RNF150: variants seen among roughly 807,000 people sequenced by gnomAD.
RNF150 encodes ring finger protein 150.
RNF150 carries 24 observed loss-of-function variants against 39.3 expected under a neutral mutation model. The ratio of observed to expected loss-of-function variants is 0.61; its 90% confidence interval spans 0.44 to 0.86. RNF150 has a LOEUF of 0.86. RNF150 is among the 40% of genes least tolerant of loss of function. RNF150 has a pLI of 0.00. For missense variants in RNF150, 502 were observed against 587.8 expected (o/e 0.85, Z 1.51); for synonymous variants, 255 against 227.3 (o/e 1.12, Z -1.10).
intron 1 of RNF150, among the ~76,000 whole-genome samples, chr4:141,181,405 CTACT>C (rs1451740484): frequency 6.6e-6 from 1 of 152,148 alleles, no homozygotes; most frequent in Non-Finnish European, 1.5e-5. Flanking sequence ...TTGACCTGAA[CTACT>C]TAAAGTTTTT....
intron 6 of RNF150, among the ~76,000 whole-genome samples, chr4:140,899,620 T>A (rs1297342704): frequency 6.6e-6 from 1 of 152,044 alleles, no homozygotes; most frequent in East Asian, 1.9e-4. Context: ...CATCCTGATG[T>A]CCTGGTGTGT....
chr4:141,087,314 C>T (rs1357622120), intron 1 of RNF150, among the ~76,000 whole-genome samples: 1 of 152,190 alleles, frequency 6.6e-6, no homozygotes, highest in Non-Finnish European at 1.5e-5. Context: ...AAAGACATGA[C>T]CATGGTTTTT....
At chr4:140,935,068 A>AT (rs1553993301) in intron 4 of RNF150, among the ~76,000 whole-genome samples, 7 of 121,048 alleles carry the variant, frequency 5.8e-5, no homozygotes, top group Admixed American at 2.7e-4. Context: ...ATATATATAT[A>AT]ATATATATAT....
At chr4:141,182,770 G>T (rs1462628565) in intron 1 of RNF150, among the ~76,000 whole-genome samples, 2 of 112,836 alleles carry the variant, frequency 1.8e-5, no homozygotes, top group African/African-American at 7.0e-5. Flanking sequence ...GTAATTTACA[G>T]ATTCAATGCC....
At chr4:141,024,416 T>A (rs558440614) in intron 1 of RNF150, among the ~76,000 whole-genome samples, 2 of 152,272 alleles carry the variant, frequency 1.3e-5, no homozygotes, top group South Asian at 4.1e-4. Context: ...TAATTAAACA[T>A]GTAAACACAC....
rs571874737 is a variant in RNF150 at position 141,023,422 on chromosome 4, T to A, written c.485-55549A>T. Among the ~76,000 whole-genome samples the A allele has an allele frequency of 7.5e-4, 42 of 55,666 alleles. No individual in the cohort carries two copies. In the East Asian group the frequency reaches 8.1e-3, roughly 11 times the overall value. The allele number at this position is 55,666 out of a possible 152,430, so 36.5% of individuals were successfully genotyped here. A position where few individuals can be genotyped will look rare whatever the true frequency, so the allele number is the denominator to read the frequency against. On this transcript the variant is annotated intron_variant, in intron 1 of 6. Transcript: ENST00000515673. Reference sequence around the variant, plus strand: ...CACCACACCTAACTACTTTTCATATTTTTTTTTTTAAGTAGTTATGGGTTT... The same window carrying A: ...CACCACACCTAACTACTTTTCATATATTTTTTTTTAAGTAGTTATGGGTTT...
intron 1 of RNF150, among the ~76,000 whole-genome samples, chr4:141,014,591 T>G (rs1289678903): frequency 6.6e-6 from 1 of 152,156 alleles, no homozygotes; most frequent in Non-Finnish European, 1.5e-5. Flanking sequence ...TAATGATCAG[T>G]GAAACTGAGC....
intron 1 of RNF150, among the ~76,000 whole-genome samples, chr4:141,098,226 T>C (rs1269665144): frequency 6.6e-6 from 1 of 152,216 alleles, no homozygotes; most frequent in African/African-American, 2.4e-5. Context: ...AATATAATAA[T>C]GTGATAAGCA....
chr4:141,026,896 T>A (rs67198149), intron 1 of RNF150, among the ~76,000 whole-genome samples: 96,707 of 151,952 alleles, frequency 0.64, 32,190 homozygotes, highest in Non-Finnish European at 0.75. Flanking sequence ...GTAAGCAACA[T>A]AGTAAGTAAG....
At chr4:140,888,625 G>A (rs940051194) in intron 6 of RNF150, among the ~76,000 whole-genome samples, 1 of 152,182 alleles carries the variant, frequency 6.6e-6, no homozygotes, top group African/African-American at 2.4e-5. Context: ...ACATGAAAGG[G>A]CAAAAGGAAT....
At chr4:140,998,989 C>A (rs1734481011) in intron 1 of RNF150, among the ~76,000 whole-genome samples, 1 of 151,844 alleles carries the variant, frequency 6.6e-6, no homozygotes, top group Non-Finnish European at 1.5e-5. Flanking sequence ...GATCTCAAAG[C>A]CTCACGAAGC....
chr4:140,947,215 C>A (rs771544425), intron 4 of RNF150, among the ~76,000 whole-genome samples: 12 of 151,790 alleles, frequency 7.9e-5, no homozygotes, highest in Non-Finnish European at 1.3e-4. Context: ...CCTTGGCTTC[C>A]TACTTACTTC....
intron 1 of RNF150, among the ~76,000 whole-genome samples, chr4:141,156,710 A>G (rs1259324434): frequency 7.1e-6 from 1 of 140,966 alleles, no homozygotes; most frequent in East Asian, 2.2e-4. Context: ...CCTGACCAAT[A>G]TGGCAAAACC....
intron 1 of RNF150, among the ~76,000 whole-genome samples, chr4:140,985,431 G>A (rs937447630): frequency 3.0e-4 from 45 of 152,002 alleles, no homozygotes; most frequent in African/African-American, 1.1e-3. Context: ...GATATTTTTT[G>A]GGTATTTTGG....
At chr4:140,949,522 T>A in intron 2 of RNF150, 150 bp from the exon 3 acceptor site, 1 of 663,016 alleles carries the variant, frequency 1.5e-6, no homozygotes. Context: ...GACAGGGCAG[T>A]GGCATTTGTG....
intron 1 of RNF150, among the ~76,000 whole-genome samples, chr4:141,009,521 T>A (rs1176950312): frequency 6.6e-6 from 1 of 152,214 alleles, no homozygotes; most frequent in Non-Finnish European, 1.5e-5. Context: ...GGATGATATT[T>A]ACCTATCTCA....
chr4:141,046,723 T>C (rs1339999163), intron 1 of RNF150, among the ~76,000 whole-genome samples: 1 of 152,212 alleles, frequency 6.6e-6, no homozygotes, highest in Non-Finnish European at 1.5e-5. Context: ...TCTCCACATT[T>C]ATTCCATTGA....
intron 1 of RNF150, among the ~76,000 whole-genome samples, chr4:141,025,456 T>G (rs1443268614): frequency 6.6e-6 from 1 of 152,134 alleles, no homozygotes; most frequent in Non-Finnish European, 1.5e-5. Flanking sequence ...GTCAAACATT[T>G]GCAGTGTTTT....
chr4:141,106,886 A>T (rs1739229087), intron 1 of RNF150, among the ~76,000 whole-genome samples: 1 of 152,130 alleles, frequency 6.6e-6, no homozygotes, highest in South Asian at 2.1e-4. Flanking sequence ...TTCCACCTAC[A>T]ATGTTCTAGT....
Sources: allele counts gnomAD v4.1 joint callset (sites outside exome capture counted in the v4.1 genomes callset), GRCh38; gene constraint gnomAD v4.1.1; transcripts MANE v1.5; gene names NCBI Gene and HGNC (gene_info 2026-07-23, HGNC 2026-07-21).